Variants in RBFOX1 observed in about 807,000 individuals in gnomAD.
The protein encoded by RBFOX1 is RNA binding protein fox-1 homolog 1.
A neutral mutation model predicts 57.7 loss-of-function variants in RBFOX1; 8 were observed. The observed-to-expected ratio is 0.14, with a 90% CI of 0.08 to 0.25. RBFOX1 has a LOEUF of 0.25. Ranked by LOEUF, RBFOX1 falls within the 10% of genes least tolerant of loss-of-function variation. RBFOX1 has a pLI of 1.00. For missense variants in RBFOX1, 611 were observed against 548.5 expected (o/e 1.11, Z -1.14); for synonymous variants, 326 against 222.4 (o/e 1.47, Z -4.15).
At chr16:6,983,789 A>G (rs943277602) in intron 3 of RBFOX1, 2 of 152,494 alleles carry the variant, frequency 1.3e-5, no homozygotes, top group South Asian at 2.1e-4. Context: ...TGCATGCACT[A>G]CTTGTGCCTA....
intron 1 of RBFOX1, among the ~76,000 whole-genome samples, chr16:6,087,353 C>T (rs539990024): frequency 5.6e-4 from 85 of 151,956 alleles, no homozygotes; most frequent in African/African-American, 1.4e-3. Flanking sequence ...TCTTCTTTAA[C>T]GTTTATATAT....
intron 4 of RBFOX1, among the ~76,000 whole-genome samples, chr16:5,906,096 A>G (rs2058448341): frequency 6.6e-6 from 1 of 152,152 alleles, no homozygotes; most frequent in Admixed American, 6.5e-5. Flanking sequence ...CTTAGCTGGC[A>G]GCAAACACCT....
chr16:5,713,635 C>T (rs924477894), intron 3 of RBFOX1, among the ~76,000 whole-genome samples: 2 of 152,110 alleles, frequency 1.3e-5, no homozygotes, highest in African/African-American at 4.8e-5. Context: ...CTATAAGGAG[C>T]TATGAGGAAT....
chr16:6,156,299 G>A (rs1310281393), intron 1 of RBFOX1, among the ~76,000 whole-genome samples: 1 of 152,178 alleles, frequency 6.6e-6, no homozygotes, highest in Non-Finnish European at 1.5e-5. Context: ...ATGGAACATT[G>A]ATTTTGTTAA....
Position 7,653,810 on chromosome 16 carries a change from C to T in RBFOX1, c.758-5C>T, listed in dbSNP as rs368263619. The stretch of plus-strand genomic sequence containing the variant: ...TCTCTCTCTCTCTCTCCTCTTGCCC[C>T]GCAGTGCCAGGCTTCCCGTATCCAG... On this transcript the variant is annotated splice_region_variant and splice_polypyrimidine_tract_variant and intron_variant, in intron 11 of 15. Coordinates refer to ENST00000550418, the MANE Select transcript of RBFOX1 (RefSeq NM_018723.4). 7.6e-4 allele frequency: 1,227 copies of T among 1,608,192 alleles called. 11 individuals are homozygous for T. The African/African-American group carries it at 0.015, about 19-fold the overall frequency.
chr16:7,252,972 A>G (rs2094548220), intron 4 of RBFOX1, among the ~76,000 whole-genome samples: 1 of 152,192 alleles, frequency 6.6e-6, no homozygotes, highest in Admixed American at 6.5e-5. Context: ...GCATGCACAT[A>G]TGTTAAAGGA....
At chr16:6,204,291 G>A (rs975592585) in intron 1 of RBFOX1, among the ~76,000 whole-genome samples, 1 of 152,068 alleles carries the variant, frequency 6.6e-6, no homozygotes, top group Non-Finnish European at 1.5e-5. Flanking sequence ...GACATGGATT[G>A]GTAATTTCAT....
rs71147636 is a variant in RBFOX1 at position 7,029,163 on chromosome 16, CAT to C, written c.-15-22886_-15-22885del. Among the ~76,000 whole-genome samples the C allele has an allele frequency of 6.1e-3, 245 of 40,494 alleles. 12 individuals are homozygous for C. The highest frequency in any genetic ancestry group is 0.011 in the African/African-American group (232 of 20,712). The allele number at this position is 40,494 out of a possible 152,430, so 26.6% of individuals were successfully genotyped here. On this transcript the variant is annotated intron_variant, in intron 3 of 15. Transcript: ENST00000550418. ...ATGTGTATATATGTATATATATACA[CAT>C]ATATATACGTATACGTGTATATATA... is the stretch of plus-strand genomic sequence containing the variant.
At chr16:7,092,992 G>A (rs867763934) in intron 4 of RBFOX1, among the ~76,000 whole-genome samples, 4 of 152,146 alleles carry the variant, frequency 2.6e-5, no homozygotes, top group African/African-American at 9.7e-5. Context: ...AATTGCCTCT[G>A]GCAGTCAAAG....
chr16:6,177,642 A>G (rs924146896), intron 1 of RBFOX1, among the ~76,000 whole-genome samples: 3 of 152,186 alleles, frequency 2.0e-5, no homozygotes, highest in African/African-American at 7.2e-5. Flanking sequence ...AGATATAAAG[A>G]TGCTCAAATG....
intron 1 of RBFOX1, among the ~76,000 whole-genome samples, chr16:6,042,147 C>G (rs924278855): frequency 1.3e-5 from 2 of 150,876 alleles, no homozygotes; most frequent in African/African-American, 2.4e-5. Context: ...GTCGCCAGAG[C>G]TGGAGTGCAG....
intron 1 of RBFOX1, among the ~76,000 whole-genome samples, chr16:6,183,754 G>A (rs1189361549): frequency 6.6e-6 from 1 of 152,100 alleles, no homozygotes; most frequent in African/African-American, 2.4e-5. Flanking sequence ...TGTGGCTGGA[G>A]CCTGGGGTAG....
intron 4 of RBFOX1, among the ~76,000 whole-genome samples, chr16:7,280,044 G>C (rs562055074): frequency 6.6e-6 from 1 of 152,170 alleles, no homozygotes; most frequent in Non-Finnish European, 1.5e-5. Context: ...TTTGGTTCCC[G>C]CTGCGATTGG....
chr16:7,305,168 A>AGTG (rs2096148755), intron 4 of RBFOX1, among the ~76,000 whole-genome samples: 1 of 151,064 alleles, frequency 6.6e-6, no homozygotes, highest in African/African-American at 2.4e-5. Flanking sequence ...ACTTCTCCTT[A>AGTG]GTGGTCTTGC....
At chr16:5,637,441 T>C (rs758455) in intron 3 of RBFOX1, among the ~76,000 whole-genome samples, 133,198 of 152,152 alleles carry the variant, frequency 0.88, 58,722 homozygotes, top group Non-Finnish European at 0.91. Context: ...GTCTCTGAAC[T>C]TCAGACAGTA....
intron 1 of RBFOX1, among the ~76,000 whole-genome samples, chr16:5,272,290 A>G (rs2063031349): frequency 6.6e-6 from 1 of 152,236 alleles, no homozygotes; most frequent in East Asian, 1.9e-4. Context: ...TAATCATTCC[A>G]CATTGTATAC....
intron 1 of RBFOX1, among the ~76,000 whole-genome samples, chr16:5,263,142 C>T (rs2062776669): frequency 6.6e-6 from 1 of 151,914 alleles, no homozygotes; most frequent in African/African-American, 2.4e-5. Context: ...GCTATTCTAG[C>T]CGAGAAAGGT....
intron 3 of RBFOX1, among the ~76,000 whole-genome samples, chr16:6,888,932 C>G (rs1276748036): frequency 6.6e-6 from 1 of 152,158 alleles, no homozygotes; most frequent in Non-Finnish European, 1.5e-5. Context: ...CAGATAGAAA[C>G]CTTTAATCAC....
intron 1 of RBFOX1, among the ~76,000 whole-genome samples, chr16:6,137,237 T>C (rs2096673308): frequency 6.6e-6 from 1 of 152,232 alleles, no homozygotes; most frequent in African/African-American, 2.4e-5. Flanking sequence ...TGCCATTTAT[T>C]GAATTCCTAC....
Sources: allele counts gnomAD v4.1 joint callset (sites outside exome capture counted in the v4.1 genomes callset), GRCh38; gene constraint gnomAD v4.1.1; transcripts MANE v1.5; gene names NCBI Gene and HGNC (gene_info 2026-07-23, HGNC 2026-07-21).